TBL1XR1: variants seen among roughly 807,000 people sequenced by gnomAD.
TBL1XR1 encodes F-box-like/WD repeat-containing protein TBL1XR1.
In TBL1XR1, 5 loss-of-function variants were observed where a neutral mutation model predicts 66.9. That is an observed-to-expected ratio of 0.07 (90% confidence interval 0.04 to 0.16). TBL1XR1 has a LOEUF of 0.16. Among genes scored for constraint, TBL1XR1 ranks in the 10% least tolerant of loss-of-function variants. TBL1XR1 has a pLI of 1.00. For synonymous variants in TBL1XR1, 210 were observed against 206.0 expected (o/e 1.02, Z -0.17); for missense variants, 238 against 623.2 (o/e 0.38, Z 6.58).
At chr3:177,146,650 C>A (rs1349623055) in intron 1 of TBL1XR1, among the ~76,000 whole-genome samples, 2 of 143,618 alleles carry the variant, frequency 1.4e-5, no homozygotes, top group African/African-American at 2.5e-5. Flanking sequence ...CAGAAAAATT[C>A]TAAATAACAG....
At chr3:177,073,438 G>C (rs1339654122) in intron 2 of TBL1XR1, among the ~76,000 whole-genome samples, 1 of 152,184 alleles carries the variant, frequency 6.6e-6, no homozygotes, top group Non-Finnish European at 1.5e-5. Context: ...ATAAATATCA[G>C]AGTATCAAAG....
chr3:177,109,234 T>TG, intron 1 of TBL1XR1, among the ~76,000 whole-genome samples: 1 of 152,100 alleles, frequency 6.6e-6, no homozygotes, highest in South Asian at 2.1e-4. Context: ...TAATTGAACA[T>TG]AAACTGAATA....
At chr3:177,145,574 T>C (rs1730148463) in intron 1 of TBL1XR1, among the ~76,000 whole-genome samples, 1 of 152,202 alleles carries the variant, frequency 6.6e-6, no homozygotes, top group Non-Finnish European at 1.5e-5. Context: ...CCCTCTTGGC[T>C]TTCCACAAAG....
At position 177,051,820 on chromosome 3, in the gene TBL1XR1, G is replaced by A. The variant is rs1881979; in HGVS notation, c.205-94C>T. On this transcript the variant is annotated intron_variant, in intron 4 of 15. Transcript: ENST00000457928. ...AATCAGAAATGAAATGAAAATCTTC[G>A]TTCCTAAAAAAACATTTTTAGGAAC... 0.29 allele frequency: 396,818 copies of A among 1,368,050 alleles called. 60,451 individuals carry two copies. The highest frequency in any genetic ancestry group is 0.51 in the East Asian group (18,944 of 37,178). The allele number at this position is 1,368,050 out of a possible 1,614,324, so 84.7% of individuals were successfully genotyped here.
chr3:177,170,716 T>C (rs912519384), intron 1 of TBL1XR1, among the ~76,000 whole-genome samples: 17 of 152,158 alleles, frequency 1.1e-4, no homozygotes, highest in Non-Finnish European at 2.4e-4. Flanking sequence ...GCAATCTTCC[T>C]GCCTCTGCCC....
intron 1 of TBL1XR1, among the ~76,000 whole-genome samples, chr3:177,192,391 T>C (rs1212068679): frequency 1.4e-5 from 2 of 145,500 alleles, no homozygotes; most frequent in African/African-American, 5.3e-5. Flanking sequence ...AAAGTGAGAC[T>C]TTATCTCAAA....
intron 2 of TBL1XR1, among the ~76,000 whole-genome samples, chr3:177,083,743 G>C (rs1721742798): frequency 6.6e-6 from 1 of 151,960 alleles, no homozygotes. Context: ...TGTAAATACT[G>C]CAACTTGCCC....
chr3:177,194,759 A>G (rs1025742834), intron 1 of TBL1XR1, among the ~76,000 whole-genome samples: 3 of 152,124 alleles, frequency 2.0e-5, no homozygotes, highest in African/African-American at 7.2e-5. Flanking sequence ...CTTTCGGGAG[A>G]CTGGTGTCAT....
intron 1 of TBL1XR1, among the ~76,000 whole-genome samples, chr3:177,136,800 G>C (rs575533252): frequency 8.5e-4 from 130 of 152,126 alleles, no homozygotes; most frequent in African/African-American, 3.0e-3. Context: ...TGAACTGGCT[G>C]GTCCTGTCTT....
chr3:177,165,052 T>G (rs545396962), intron 1 of TBL1XR1, among the ~76,000 whole-genome samples: 9 of 152,310 alleles, frequency 5.9e-5, no homozygotes, highest in African/African-American at 2.2e-4. Flanking sequence ...AAAAATTTGT[T>G]ATGGGTTCTA....
intron 3 of TBL1XR1, among the ~76,000 whole-genome samples, chr3:177,063,559 T>G (rs1718782043): frequency 6.6e-6 from 1 of 152,250 alleles, no homozygotes; most frequent in African/African-American, 2.4e-5. Flanking sequence ...TTGAAAGTGC[T>G]ACACAACTTT....
At chr3:177,132,289 A>G (rs1382620263) in intron 1 of TBL1XR1, among the ~76,000 whole-genome samples, 1 of 152,208 alleles carries the variant, frequency 6.6e-6, no homozygotes, top group East Asian at 1.9e-4. Flanking sequence ...TGCGCACATC[A>G]GTGATCCTGA....
chr3:177,036,432 C>A (rs1282983486), intron 12 of TBL1XR1, among the ~76,000 whole-genome samples: 1 of 152,180 alleles, frequency 6.6e-6, no homozygotes, highest in Non-Finnish European at 1.5e-5. Flanking sequence ...CTAGTTTTTG[C>A]TTTAAAATCC....
intron 2 of TBL1XR1, among the ~76,000 whole-genome samples, chr3:177,065,679 T>C (rs1031078736): frequency 2.6e-5 from 4 of 152,240 alleles, no homozygotes; most frequent in Non-Finnish European, 5.9e-5. Context: ...TATCTAATTA[T>C]ACTTATTTGT....
In TBL1XR1 at chr3:177,026,315, T is replaced by C. The variant is rs919722469; in HGVS notation, c.1518+58A>G. 2.1e-5 allele frequency: 27 copies of C among 1,312,434 alleles called. No homozygotes were observed. In the African/African-American group the frequency reaches 3.4e-4, roughly 16 times the overall value. 81.3% of individuals were successfully genotyped at this position (1,312,434 alleles called of 1,614,324 possible). The stretch of plus-strand genomic sequence containing the variant: ...CACTTTGGTATCACTAACAATAAGC[T>C]GCATTCTGATGTGAATACCCACCCA... On this transcript the variant is annotated intron_variant, in intron 15 of 15. Transcript: ENST00000457928.
chr3:177,070,157 T>C (rs1279987235), intron 2 of TBL1XR1, among the ~76,000 whole-genome samples: 2 of 123,370 alleles, frequency 1.6e-5, no homozygotes, highest in East Asian at 5.7e-4. Context: ...ATCCATTATA[T>C]GATGAGTCAC....
At chr3:177,135,355 A>G (rs1413674135) in intron 1 of TBL1XR1, among the ~76,000 whole-genome samples, 26 of 59,306 alleles carry the variant, frequency 4.4e-4, no homozygotes, top group East Asian at 1.8e-3. Context: ...ATATATATAT[A>G]TATATATATA....
intron 2 of TBL1XR1, among the ~76,000 whole-genome samples, chr3:177,075,168 G>C (rs1720540308): frequency 6.6e-6 from 1 of 152,222 alleles, no homozygotes; most frequent in Non-Finnish European, 1.5e-5. Flanking sequence ...GGAAAAGAGA[G>C]TCGTTCTATC....
intron 1 of TBL1XR1, among the ~76,000 whole-genome samples, chr3:177,125,720 TTTTC>T (rs1727535547): frequency 6.6e-6 from 1 of 152,166 alleles, no homozygotes; most frequent in Non-Finnish European, 1.5e-5. Context: ...GTGCTGGCAA[TTTTC>T]TTTATGATTC....
Sources: allele counts gnomAD v4.1 joint callset (sites outside exome capture counted in the v4.1 genomes callset), GRCh38; gene constraint gnomAD v4.1.1; transcripts MANE v1.5; gene names NCBI Gene and HGNC (gene_info 2026-07-23, HGNC 2026-07-21).